Variants in CNTN4 observed in about 807,000 individuals in gnomAD.
CNTN4 encodes contactin-4.
In CNTN4, 77 loss-of-function variants were observed where a neutral mutation model predicts 122.5. The observed-to-expected ratio is 0.63, with a 90% confidence interval of 0.52 to 0.76. CNTN4 has a LOEUF of 0.76. Among genes scored for constraint, CNTN4 ranks in the 30% least tolerant of loss-of-function variants. The pLI, the probability that CNTN4 is intolerant of heterozygous loss-of-function variation, is 0.00. For synonymous variants in CNTN4, 512 were observed against 447.0 expected, an observed-to-expected ratio of 1.15 and a Z score of -1.83; for missense variants, 1,256 against 1,259.1, an observed-to-expected ratio of 1.00 and a Z score of 0.04.
intron 2 of CNTN4, among the ~76,000 whole-genome samples, chr3:2,124,461 C>CACACAG (rs965805695): frequency 6.7e-6 from 1 of 148,990 alleles, no homozygotes; most frequent in Non-Finnish European, 1.5e-5. Context: ...CACACACACA[C>CACACAG]ACACACACAC....
intron 3 of CNTN4, among the ~76,000 whole-genome samples, chr3:2,384,967 C>T (rs892756510): frequency 6.6e-6 from 1 of 152,054 alleles, no homozygotes; most frequent in African/African-American, 2.4e-5. Flanking sequence ...CGTTCAAACT[C>T]ATTTGGCTTG....
At chr3:2,132,760 T>G (rs1311694386) in intron 2 of CNTN4, among the ~76,000 whole-genome samples, 5 of 152,194 alleles carry the variant, frequency 3.3e-5, no homozygotes, top group African/African-American at 1.2e-4. Flanking sequence ...AAGATTACTG[T>G]CATAAAGTCT....
chr3:2,614,115 C>G (rs979190402), intron 4 of CNTN4, among the ~76,000 whole-genome samples: 67 of 152,082 alleles, frequency 4.4e-4, no homozygotes, highest in African/African-American at 1.6e-3. Context: ...CAGTGGGTAA[C>G]TACTTTAGGG....
At chr3:2,894,470 G>A (rs2094083545) in intron 10 of CNTN4, among the ~76,000 whole-genome samples, 2 of 152,216 alleles carry the variant, frequency 1.3e-5, no homozygotes, top group South Asian at 4.1e-4. Context: ...GGATGTTAAT[G>A]TCTCTGGGCC....
chr3:2,197,870 C>A (rs557454756), intron 2 of CNTN4, among the ~76,000 whole-genome samples: 1 of 152,082 alleles, frequency 6.6e-6, no homozygotes, highest in South Asian at 2.1e-4. Context: ...CAAAAATTAG[C>A]CAGGAGTGGT....
In CNTN4 at chr3:2,905,099, A is replaced by G. The variant is rs2094215203; in HGVS notation, c.1207+2094A>G. 2.0e-5 allele frequency among the ~76,000 whole-genome samples: 3 copies of G among 152,308 alleles called. No individual in the cohort carries two copies. The South Asian group carries it at 6.2e-4, about 32-fold the overall frequency. On this transcript the variant is annotated intron_variant, in intron 12 of 24. Coordinates refer to ENST00000418658, the MANE Select transcript of CNTN4 (RefSeq NM_175607.3). Reference sequence around the variant, plus strand: ...CCCTCCCCTCTCTCCCTCTAGTACTAGGATTCAAGGCCTGTTAGCTGGGAA... The same window carrying G: ...CCCTCCCCTCTCTCCCTCTAGTACTGGGATTCAAGGCCTGTTAGCTGGGAA...
chr3:2,699,682 G>T (rs2086254272), intron 4 of CNTN4, among the ~76,000 whole-genome samples: 1 of 152,120 alleles, frequency 6.6e-6, no homozygotes, highest in Admixed American at 6.6e-5. Flanking sequence ...TACTGGGTTT[G>T]GACCAGTTTG....
At chr3:2,289,837 C>T (rs537413786) in intron 2 of CNTN4, among the ~76,000 whole-genome samples, 16 of 152,180 alleles carry the variant, frequency 1.1e-4, no homozygotes, top group African/African-American at 2.9e-4. Context: ...TAAGTTATTA[C>T]GATAGTGGCT....
At chr3:2,289,432 G>T (rs1374885056) in intron 2 of CNTN4, among the ~76,000 whole-genome samples, 1 of 152,200 alleles carries the variant, frequency 6.6e-6, no homozygotes, top group Non-Finnish European at 1.5e-5. Flanking sequence ...ATAAGACAGA[G>T]TTTCTATAAG....
At chr3:2,646,497 G>C (rs2083126165) in intron 4 of CNTN4, among the ~76,000 whole-genome samples, 1 of 152,160 alleles carries the variant, frequency 6.6e-6, no homozygotes, top group African/African-American at 2.4e-5. Context: ...CATACCCTCA[G>C]ACTATTCCCT....
At chr3:2,431,289 G>A (rs2048060456) in intron 3 of CNTN4, among the ~76,000 whole-genome samples, 1 of 152,112 alleles carries the variant, frequency 6.6e-6, no homozygotes, top group Non-Finnish European at 1.5e-5. Context: ...CGTGAGAAAA[G>A]CAGCATATAG....
intron 2 of CNTN4, among the ~76,000 whole-genome samples, chr3:2,317,237 T>C (rs183274826): frequency 2.0e-4 from 31 of 152,346 alleles, no homozygotes; most frequent in Non-Finnish European, 3.8e-4. Flanking sequence ...GAAGACAAGT[T>C]TGCATATCTG....
intron 6 of CNTN4, among the ~76,000 whole-genome samples, chr3:2,778,164 A>G (rs888356885): frequency 3.5e-5 from 5 of 141,398 alleles, no homozygotes; most frequent in Non-Finnish European, 7.7e-5. Context: ...TGGTGAGCCG[A>G]GATCGCGCCA....
At chr3:2,704,523 A>T (rs570590989) in intron 4 of CNTN4, among the ~76,000 whole-genome samples, 2 of 152,202 alleles carry the variant, frequency 1.3e-5, no homozygotes, top group South Asian at 4.1e-4. Flanking sequence ...CAAAGGATAA[A>T]ATGGGTTATC....
chr3:2,651,144 C>T (rs1209249436), intron 4 of CNTN4, among the ~76,000 whole-genome samples: 1 of 152,158 alleles, frequency 6.6e-6, no homozygotes, highest in Non-Finnish European at 1.5e-5. Flanking sequence ...CATGGTGGAC[C>T]TACCAGGGTA....
At chr3:2,546,543 C>A (rs1217256176) in intron 3 of CNTN4, among the ~76,000 whole-genome samples, 1 of 152,028 alleles carries the variant, frequency 6.6e-6, no homozygotes, top group African/African-American at 2.4e-5. Flanking sequence ...ATATTTGGTA[C>A]TTTCTTATTA....
intron 4 of CNTN4, among the ~76,000 whole-genome samples, chr3:2,684,335 A>C (rs1418097492): frequency 6.6e-6 from 1 of 152,158 alleles, no homozygotes; most frequent in East Asian, 1.9e-4. Context: ...TGCAGCTGAG[A>C]ATCCTGGACA....
Position 2,474,304 on chromosome 3 carries a change from G to A in CNTN4, c.-88-97112G>A, listed in dbSNP as rs573208790. ...GCTCTTGCTCACGTTCATGCTTGGG[G>A]CATGCAGCTTAATGCCTAGCACTTC... On this transcript the variant is annotated intron_variant, in intron 3 of 24. Coordinates refer to ENST00000418658, the MANE Select transcript of CNTN4 (RefSeq NM_175607.3). 2.6e-4 allele frequency among the ~76,000 whole-genome samples: 40 copies of A among 152,216 alleles called. No individual in the cohort carries two copies. In the South Asian group the frequency reaches 3.5e-3, roughly 13 times the overall value.
Position 2,255,984 on chromosome 3 carries a change from A to G in CNTN4, c.-144-83194A>G, listed in dbSNP as rs567640258. On this transcript the variant is annotated intron_variant, in intron 2 of 24. Transcript: ENST00000418658. ...TAGAGACATGAAAAACCCTTAAAAA[A>G]AATCAATGAATCCAGGAGCTGGTTT... 9.8e-5 allele frequency among the ~76,000 whole-genome samples: 15 copies of G among 152,324 alleles called. 1 individual carries two copies. In the East Asian group the frequency reaches 2.9e-3, roughly 29 times the overall value.
Sources: allele counts gnomAD v4.1 joint callset (sites outside exome capture counted in the v4.1 genomes callset), GRCh38; gene constraint gnomAD v4.1.1; transcripts MANE v1.5; gene names NCBI Gene and HGNC (gene_info 2026-07-23, HGNC 2026-07-21).